Variants in CERS1 observed in about 807,000 individuals in gnomAD.
CERS1 encodes the protein ceramide synthase 1.
Under a neutral mutation model 35.7 loss-of-function variants are expected in CERS1, and 16 were observed. The ratio of observed to expected loss-of-function variants is 0.45; its 90% CI spans 0.30 to 0.68. The LOEUF (loss-of-function observed/expected upper bound fraction) is 0.68, where lower values mean the gene tolerates loss of function less well. CERS1 is among the 30% of genes least tolerant of loss of function. CERS1 has a pLI of 0.08. For synonymous variants in CERS1, 243 were observed against 201.6 expected (o/e 1.21, Z -1.74); for missense variants, 454 against 453.9 (o/e 1.00, Z 0.00).
rs1005717275 is a variant in CERS1 at position 18,878,019 on chromosome 19, A to G, written c.1010+911T>C. 8.1e-6 allele frequency: 8 copies of G among 985,254 alleles called. No individual in the cohort carries two copies. The highest frequency in any genetic ancestry group is 1.2e-4 in the Admixed American group (2 of 16,238). 61.0% of individuals were successfully genotyped at this position (985,254 alleles called of 1,614,324 possible). On this transcript the variant is annotated intron_variant, in intron 6 of 7. Coordinates refer to ENST00000623882, the MANE Select transcript of CERS1 (RefSeq NM_021267.5). This position sits in a 1 kb window ranked among gnomAD's most constrained non-coding sequence, Gnocchi z 4.6. ...GGGTCTGACGCTCCTCTGCCTGGCT[A>G]CAGCCCCGGATGTGTTAAATGTCTG...
chr19:18,868,687 C>T lies in CERS1; in HGVS notation c.*1298G>A, dbSNP rs748808313. 1.3e-5 allele frequency: 20 copies of T among 1,564,432 alleles called. No homozygotes were observed. Among genetic ancestry groups the T allele is most frequent in the Middle Eastern group, 1.7e-4 (1 of 5,974 alleles). ...TGTCAAAGAAGAGCACGGAGATGGGCGACAGGCGCGCGGGCACGCAGCAGG... is the reference window on the plus strand; with the variant it reads ...TGTCAAAGAAGAGCACGGAGATGGGTGACAGGCGCGCGGGCACGCAGCAGG... On this transcript the variant is annotated 3_prime_UTR_variant, in exon 8 of 8. Transcript: ENST00000623882.
intron 3 of CERS1, among the ~76,000 whole-genome samples, chr19:18,882,409 G>T (rs1361395863): frequency 6.6e-6 from 1 of 151,480 alleles, no homozygotes; most frequent in Non-Finnish European, 1.5e-5. Flanking sequence ...GAGGCAGGTG[G>T]ATCACTTGAG....
chr19:18,894,270 C>T (rs1253686704), intron 1 of CERS1, among the ~76,000 whole-genome samples: 1 of 151,790 alleles, frequency 6.6e-6, no homozygotes, highest in Non-Finnish European at 1.5e-5. Context: ...TGGCGGGGCG[C>T]GGCTCCAGAG....
At chr19:18,879,151 C>T (rs574443365) in intron 5 of CERS1, 90 bp downstream of exon 5, 72 of 1,593,050 alleles carry the variant, frequency 4.5e-5, no homozygotes, top group South Asian at 3.3e-4. Context: ...TGCCACCTAA[C>T]GTGCCCCTCC....
rs777354771 is a variant in CERS1, at chr19:18,884,257, C to G, written c.420G>C (p.Pro140=). 2.5e-6 allele frequency: 4 copies of G among 1,611,908 alleles called. No homozygotes were observed. The African/African-American group carries it at 5.3e-5, about 22-fold the overall frequency. The change falls in exon 3 of 8, where the codon CCG becomes CCC. Residue 140 remains proline (P), a synonymous_variant. Coordinates refer to ENST00000623882, the MANE Select transcript of CERS1 (RefSeq NM_021267.5). ...DPPSVFYDWT[P]GMAVPRDIAA... Reference sequence around the variant, plus strand: ...CAATGTCCCGTGGCACTGCCATGCCCGGCGTCCAGTCTGGGGAGAGCCAAA... The same window carrying G: ...CAATGTCCCGTGGCACTGCCATGCCGGGCGTCCAGTCTGGGGAGAGCCAAA...
Position 18,880,452 on chromosome 19 carries a change from C to A in CERS1, c.591-17G>T. ...TTGTGGTACCTGGGGGAGCAGCAGG[C>A]AGAGAGGAGAGGGCAGCTCACATTG... On this transcript the variant is annotated splice_polypyrimidine_tract_variant and intron_variant, in intron 3 of 7. Transcript: ENST00000623882. 3.2e-6 allele frequency: 5 copies of A among 1,570,194 alleles called. No individual in the cohort carries two copies. The highest frequency in any genetic ancestry group is 1.7e-6 in the Non-Finnish European group (2 of 1,154,730).
rs139174485 is a variant in CERS1 at position 18,870,710 on chromosome 19, C to A, written c.1011-91G>T. ...CTTCTTCTCTGGCCGTTTCACACCC[C>A]CTGGCTCCTTTTACCCGGCCAGGCC... is the stretch of plus-strand genomic sequence containing the variant. On this transcript the variant is annotated intron_variant, in intron 6 of 7. Transcript: ENST00000623882. This position sits in a 1 kb window ranked among gnomAD's most constrained non-coding sequence, Gnocchi z 5.1. The A allele has an allele frequency of 5.0e-5, 24 of 482,776 alleles. No homozygotes were observed. The highest frequency in any genetic ancestry group is 4.3e-4 in the African/African-American group (21 of 48,918). The allele number at this position is 482,776 out of a possible 1,614,324, so 29.9% of individuals were successfully genotyped here.
intron 1 of CERS1, among the ~76,000 whole-genome samples, chr19:18,894,596 C>CT (rs1006682863): frequency 3.3e-5 from 5 of 152,216 alleles, no homozygotes; most frequent in Middle Eastern, 3.4e-3. Flanking sequence ...ACGGCTTGCC[C>CT]TCCTGGGTCT....
At chr19:18,890,320 T>C (rs562820591) in intron 2 of CERS1, among the ~76,000 whole-genome samples, 4 of 152,358 alleles carry the variant, frequency 2.6e-5, no homozygotes, top group Admixed American at 6.5e-5. Context: ...TTGCTGTTGA[T>C]AGACTGCGTA....
Position 18,879,403 on chromosome 19 carries a change from G to A in CERS1, c.753-15C>T, listed in dbSNP as rs1201571099. ...GGAACCAGAACCTGCGGTGGGAGGAGTCAGGAGGCCGTGGGTGGAGGGGGA... is the reference window on the plus strand; with the variant it reads ...GGAACCAGAACCTGCGGTGGGAGGAATCAGGAGGCCGTGGGTGGAGGGGGA... On this transcript the variant is annotated splice_polypyrimidine_tract_variant and intron_variant, in intron 4 of 7. Transcript: ENST00000623882. 1.9e-6 allele frequency: 3 copies of A among 1,554,804 alleles called. No homozygotes were observed. The highest frequency in any genetic ancestry group is 2.6e-6 in the Non-Finnish European group (3 of 1,149,224).
Position 18,887,429 on chromosome 19 carries a change from G to T in CERS1, c.410-3162C>A, listed in dbSNP as rs114327388. 3.3e-5 allele frequency among the ~76,000 whole-genome samples: 5 copies of T among 152,146 alleles called. No individual in the cohort carries two copies. The South Asian group carries it at 6.2e-4, about 19-fold the overall frequency. On this transcript the variant is annotated intron_variant, in intron 2 of 7. Coordinates refer to ENST00000623882, the MANE Select transcript of CERS1 (RefSeq NM_021267.5). ...GATAATGTTCCAGACCTAGACAGAGGGGGTGGTTGAACAACACTGTGAATG... is the reference window on the plus strand; with the variant it reads ...GATAATGTTCCAGACCTAGACAGAGTGGGTGGTTGAACAACACTGTGAATG...
At position 18,870,188 on chromosome 19, in the gene CERS1, G is replaced by A. The variant is rs1555702693; in HGVS notation, c.*389C>T. The A allele has an allele frequency of 6.4e-7, 1 of 1,563,636 alleles. No individual in the cohort carries two copies. The highest frequency in any genetic ancestry group is 1.2e-5 in the South Asian group (1 of 85,254). Reference sequence around the variant, plus strand: ...GCTCATCGCGCAGTCCTAGAGCCTGGAGCAGGGCGGCGGCTGGGCCTGGGG... The same window carrying A: ...GCTCATCGCGCAGTCCTAGAGCCTGAAGCAGGGCGGCGGCTGGGCCTGGGG... On this transcript the variant is annotated 3_prime_UTR_variant, in exon 7 of 8. Transcript: ENST00000623882. The surrounding 1 kb of genome is among the most constrained non-coding windows in gnomAD (Gnocchi z 5.1).
chr19:18,890,620 A>C (rs547655709), intron 2 of CERS1, among the ~76,000 whole-genome samples: 1 of 150,788 alleles, frequency 6.6e-6, no homozygotes, highest in African/African-American at 2.4e-5. Context: ...TCTACCAAAA[A>C]ACACAAAAAA....
rs376751643 is a variant in CERS1 at position 18,872,541 on chromosome 19, G to A, written c.1011-1922C>T. On this transcript the variant is annotated intron_variant, in intron 6 of 7. Coordinates refer to ENST00000623882, the MANE Select transcript of CERS1 (RefSeq NM_021267.5). ...TTTTTTTTTTTTTTTTTGAGACGAA[G>A]TCTCGCTCTTGTCCCCCAGGCGGGA... Among the ~76,000 whole-genome samples, 10 of 146,542 alleles carry A rather than the reference G, an allele frequency of 6.8e-5. No homozygotes were observed. The East Asian group carries it at 1.0e-3, about 15-fold the overall frequency.
chr19:18,877,273 G>A (rs540589873), intron 6 of CERS1, among the ~76,000 whole-genome samples: 1 of 152,334 alleles, frequency 6.6e-6, no homozygotes, highest in Admixed American at 6.5e-5. Flanking sequence ...AGACACTGGT[G>A]GGGCTGGGAG....
intron 2 of CERS1, 150 bp from the exon 3 acceptor site, chr19:18,884,417 AT>A (rs11297387): frequency 0.4 from 221,553 of 555,256 alleles, 15,542 homozygotes; most frequent in African/African-American, 0.47. Flanking sequence ...TCCCAATTCT[AT>A]TTTTTTTTTT....
Position 18,878,687 on chromosome 19 carries a change from ACC to A in CERS1, c.1010+241_1010+242del. The stretch of plus-strand genomic sequence containing the variant: ...GGCCCTCAGTGTCCCTACCGCTGAG[ACC>A]CTGCCTGTCGCCCTGCCTGCCCCTC... On this transcript the variant is annotated intron_variant, in intron 6 of 7. Transcript: ENST00000623882. This position sits in a 1 kb window ranked among gnomAD's most constrained non-coding sequence, Gnocchi z 4.6. 7.4e-7 allele frequency: 1 copy of A among 1,346,682 alleles called. No individual in the cohort carries two copies. The highest frequency in any genetic ancestry group is 9.6e-7 in the Non-Finnish European group (1 of 1,044,564). The allele number at this position is 1,346,682 out of a possible 1,614,324, so 83.4% of individuals were successfully genotyped here.
At position 18,869,037 on chromosome 19, in the gene CERS1, A is replaced by AGGC; in HGVS notation, c.*945_*947dup. 2.8e-6 allele frequency: 3 copies of AGGC among 1,073,350 alleles called. No homozygotes were observed. The highest frequency in any genetic ancestry group is 3.4e-6 in the Non-Finnish European group (3 of 887,680). 66.5% of individuals were successfully genotyped at this position (1,073,350 alleles called of 1,614,324 possible). On this transcript the variant is annotated 3_prime_UTR_variant, in exon 8 of 8. Coordinates refer to ENST00000623882, the MANE Select transcript of CERS1 (RefSeq NM_021267.5). ...AGCGAGGCCTCGGCCAGGCGCGCGCAGGCGGCAGGGGCCCGGGGGCGTAGC... is the reference window on the plus strand; with the variant it reads ...AGCGAGGCCTCGGCCAGGCGCGCGCAGGCGGCGGCAGGGGCCCGGGGGCGTAGC...
upstream of CERS1, chr19:18,896,164 G>C: frequency 2.6e-6 from 1 of 382,682 alleles, no homozygotes; most frequent in Non-Finnish European, 3.5e-6. This position sits in a 1 kb window ranked among gnomAD's most constrained non-coding sequence, Gnocchi z 5.9. Context: ...CAGCTGGGCC[G>C]GGGGCGCGCG....
Sources: gnomAD v4.1 joint callset for allele counts (sites outside exome capture counted in the v4.1 genomes callset) on GRCh38, gnomAD v4.1.1 for gene constraint, Gnocchi (gnomAD v3.1) non-coding constraint, MANE v1.5 for transcripts, NCBI Gene and HGNC (gene_info 2026-07-23, HGNC 2026-07-21) for gene names.